Variants in KCNIP4 observed in about 807,000 individuals in gnomAD.
KCNIP4 encodes potassium voltage-gated channel interacting protein 4, also known as Kv channel-interacting protein 4.
Under a neutral mutation model 34.0 loss-of-function variants are expected in KCNIP4, and 12 were observed. That is an observed-to-expected ratio of 0.35 (90% CI 0.23 to 0.57). The LOEUF (loss-of-function observed/expected upper bound fraction) is 0.57, where lower values mean the gene tolerates loss of function less well. Among genes scored for constraint, KCNIP4 ranks in the 20% least tolerant of loss-of-function variants. The pLI is 0.83. For synonymous variants in KCNIP4, 124 were observed against 102.2 expected (o/e 1.21, Z -1.29); for missense variants, 238 against 311.7 (o/e 0.76, Z 1.78).
chr4:20,910,279 C>CTGTG (rs1459881216), intron 1 of KCNIP4, among the ~76,000 whole-genome samples: 9 of 150,552 alleles, frequency 6.0e-5, no homozygotes, highest in African/African-American at 2.0e-4. Context: ...ATTTGTGTGT[C>CTGTG]TGTATGTGTG....
intron 1 of KCNIP4, among the ~76,000 whole-genome samples, chr4:21,834,279 C>T (rs1178530785): frequency 6.6e-5 from 10 of 152,118 alleles, no homozygotes; most frequent in Admixed American, 2.0e-4. Flanking sequence ...GAGCAGTCGT[C>T]TGTAGTTCTC....
rs1185252405 is a variant in KCNIP4 at position 21,371,741 on chromosome 4, C to A, written c.62-489032G>T. 2.7e-5 allele frequency among the ~76,000 whole-genome samples: 4 copies of A among 147,094 alleles called. 1 individual carries two copies. The East Asian group carries it at 7.9e-4, about 29-fold the overall frequency. On this transcript the variant is annotated intron_variant, in intron 1 of 8. Coordinates refer to ENST00000382152, the MANE Select transcript of KCNIP4 (RefSeq NM_025221.6). ...TACTAGAAAGAAACATGATTGAAAG[C>A]ACTATGATTTCAGGAGGCTGATTAT...
At chr4:21,846,590 GTTA>G (rs985671883) in intron 1 of KCNIP4, 5 of 152,128 alleles carry the variant, frequency 3.3e-5, no homozygotes, top group African/African-American at 1.2e-4. Flanking sequence ...ATAAGTGTTG[GTTA>G]TTATTATGAT....
chr4:21,818,552 T>G (rs1317997244), intron 1 of KCNIP4, among the ~76,000 whole-genome samples: 1 of 152,206 alleles, frequency 6.6e-6, no homozygotes, highest in Non-Finnish European at 1.5e-5. Flanking sequence ...GAAATTAAAT[T>G]AACAATTCAG....
chr4:20,916,942 A>T (rs4696968), intron 1 of KCNIP4, among the ~76,000 whole-genome samples: 96,467 of 116,142 alleles, frequency 0.83, 40,151 homozygotes, highest in East Asian at 0.86. Context: ...TCCCTTTCAT[A>T]TTTTTTCCTT....
intron 1 of KCNIP4, among the ~76,000 whole-genome samples, chr4:21,535,655 C>A (rs1342951312): frequency 2.6e-5 from 4 of 152,162 alleles, no homozygotes; most frequent in Admixed American, 2.0e-4. Flanking sequence ...AAGAAGCCTG[C>A]TAGTTTCCTT....
chr4:20,963,395 T>C (rs1469623953), intron 1 of KCNIP4, among the ~76,000 whole-genome samples: 1 of 152,084 alleles, frequency 6.6e-6, no homozygotes, highest in South Asian at 2.1e-4. Flanking sequence ...TTACAAATGA[T>C]CATCCCTTTT....
chr4:20,732,035 T>C lies in KCNIP4; in HGVS notation c.676A>G (p.Ile226Val). 1.2e-6 allele frequency: 2 copies of C among 1,613,516 alleles called. No homozygotes were observed. Among genetic ancestry groups the C allele is most frequent in the Non-Finnish European group, 1.7e-6 (2 of 1,179,748 alleles). The change falls in exon 8 of 9, where the codon ATA (isoleucine) becomes GTA (valine). Residue 226 changes from isoleucine to valine, a missense_variant. Coordinates refer to ENST00000382152, the MANE Select transcript of KCNIP4 (RefSeq NM_025221.6). ...MDKNKDGVVT[I>V]DEFIESCQKD... ...TGGCAGCTTTCAATGAACTCATCTA[T>C]GGTAACAACCCCATCTTTATTTTTG...
intron 1 of KCNIP4, among the ~76,000 whole-genome samples, chr4:21,821,707 C>T (rs185309663): frequency 2.6e-5 from 4 of 152,108 alleles, no homozygotes; most frequent in African/African-American, 9.6e-5. Flanking sequence ...CATTATTACC[C>T]GGTTGTCAAT....
intron 1 of KCNIP4, among the ~76,000 whole-genome samples, chr4:21,770,884 T>A (rs1262902150): frequency 2.6e-5 from 4 of 152,176 alleles, no homozygotes; most frequent in Admixed American, 2.6e-4. Context: ...TTTCTCCCAT[T>A]CTGTAGGCTG....
At chr4:21,504,507 G>GAAA (rs398072110) in intron 1 of KCNIP4, among the ~76,000 whole-genome samples, 1,388 of 132,914 alleles carry the variant, frequency 0.01, 25 homozygotes, top group African/African-American at 0.021. Flanking sequence ...AAGAAAGAAA[G>GAAA]GAAGGAAGGA....
intron 1 of KCNIP4, among the ~76,000 whole-genome samples, chr4:20,993,027 CAAAAAAAA>C (rs11416440): frequency 1.4e-4 from 6 of 42,084 alleles, no homozygotes; most frequent in African/African-American, 3.5e-4. Context: ...GACTCCATCT[CAAAAAAAA>C]AAAAAAAAAA....
chr4:21,821,543 A>C (rs1185121424), intron 1 of KCNIP4, among the ~76,000 whole-genome samples: 1 of 152,160 alleles, frequency 6.6e-6, no homozygotes, highest in African/African-American at 2.4e-5. Context: ...ATCATATGGA[A>C]TTTTAAAATT....
chr4:20,974,635 C>T (rs1037714379), intron 1 of KCNIP4, among the ~76,000 whole-genome samples: 5 of 152,176 alleles, frequency 3.3e-5, no homozygotes, highest in South Asian at 4.2e-4. Flanking sequence ...TCTTTGAGTC[C>T]GTTCTGATGC....
chr4:20,912,697 A>G (rs1728441410), intron 1 of KCNIP4, among the ~76,000 whole-genome samples: 1 of 152,176 alleles, frequency 6.6e-6, no homozygotes, highest in Non-Finnish European at 1.5e-5. Flanking sequence ...TAAAAAGACA[A>G]ACAACCTAAT....
At chr4:21,937,024 C>A (rs771637392) in intron 1 of KCNIP4, among the ~76,000 whole-genome samples, 2 of 151,998 alleles carry the variant, frequency 1.3e-5, no homozygotes, top group African/African-American at 2.4e-5. Context: ...AACTAATTCC[C>A]AAACTGGCAC....
intron 1 of KCNIP4, among the ~76,000 whole-genome samples, chr4:21,563,097 AT>A (rs1339986288): frequency 6.6e-6 from 1 of 152,038 alleles, no homozygotes; most frequent in Non-Finnish European, 1.5e-5. Flanking sequence ...AATAATACAG[AT>A]GTTATAACTA....
intron 1 of KCNIP4, among the ~76,000 whole-genome samples, chr4:21,543,148 A>C (rs1484894571): frequency 6.6e-6 from 1 of 152,074 alleles, no homozygotes; most frequent in Non-Finnish European, 1.5e-5. Flanking sequence ...TGACAATAAA[A>C]AATAAATGTT....
intron 1 of KCNIP4, among the ~76,000 whole-genome samples, chr4:20,996,656 A>G (rs992861363): frequency 2.6e-5 from 4 of 152,090 alleles, no homozygotes; most frequent in African/African-American, 9.7e-5. Context: ...TCCTGACCAC[A>G]CTATCAGAAG....
Sources: gnomAD v4.1 joint callset for allele counts (sites outside exome capture counted in the v4.1 genomes callset) on GRCh38, gnomAD v4.1.1 for gene constraint, MANE v1.5 for transcripts, NCBI Gene and HGNC (gene_info 2026-07-23, HGNC 2026-07-21) for gene names.